RBPMS: variants seen among roughly 807,000 people sequenced by gnomAD.
RBPMS encodes the protein RNA-binding protein with multiple splicing.
In RBPMS, 7 loss-of-function variants were observed where a neutral mutation model predicts 26.8. That is an observed-to-expected ratio of 0.26 (90% CI 0.15 to 0.49). The LOEUF is 0.49. Ranked by LOEUF, RBPMS falls within the 20% of genes least tolerant of loss-of-function variation. RBPMS has a pLI of 0.98. For missense variants in RBPMS, 186 were observed against 250.0 expected, an observed-to-expected ratio of 0.74 and a Z score of 1.73; for synonymous variants, 96 against 93.3, an observed-to-expected ratio of 1.03 and a Z score of -0.17.
intron 5 of RBPMS, among the ~76,000 whole-genome samples, chr8:30,532,975 A>T (rs1824393397): frequency 6.6e-6 from 1 of 152,204 alleles, no homozygotes; most frequent in South Asian, 2.1e-4. Flanking sequence ...GATGATACTC[A>T]ACCAGAGTTT....
At chr8:30,472,372 A>G (rs1206365377) in intron 1 of RBPMS, among the ~76,000 whole-genome samples, 2 of 152,230 alleles carry the variant, frequency 1.3e-5, no homozygotes, top group Non-Finnish European at 2.9e-5. Context: ...ACTAATATAA[A>G]GAGATCAGAG....
At chr8:30,551,078 T>C (rs1826325715) in intron 6 of RBPMS, among the ~76,000 whole-genome samples, 1 of 152,152 alleles carries the variant, frequency 6.6e-6, no homozygotes, top group Admixed American at 6.5e-5. Context: ...TACTTGGGGA[T>C]ATTGCTCTCT....
At position 30,422,341 on chromosome 8, in the gene RBPMS, T is replaced by C. The variant is rs1049880324; in HGVS notation, c.66+37183T>C. 1.1e-4 allele frequency among the ~76,000 whole-genome samples: 17 copies of C among 152,108 alleles called. 1 individual carries two copies. Among genetic ancestry groups the C allele is most frequent in the Middle Eastern group, 3.2e-3 (1 of 316 alleles). ...GTTGGCCAGGCTGGTCTTGAACTCCTGACCTCAGGTGATCCACCCACCTCA... is the reference window on the plus strand; with the variant it reads ...GTTGGCCAGGCTGGTCTTGAACTCCCGACCTCAGGTGATCCACCCACCTCA... On this transcript the variant is annotated intron_variant, in intron 1 of 8. Transcript: ENST00000397323.
chr8:30,549,195 A>C (rs1826093535), intron 6 of RBPMS, among the ~76,000 whole-genome samples: 1 of 152,158 alleles, frequency 6.6e-6, no homozygotes, highest in African/African-American at 2.4e-5. Context: ...TCAACCCCTC[A>C]CCTGGCAGTC....
rs182241412 is a variant in RBPMS at position 30,498,538 on chromosome 8, A to G, written c.247-5748A>G. 4.6e-5 allele frequency among the ~76,000 whole-genome samples: 7 copies of G among 152,358 alleles called. No individual in the cohort carries two copies. In the East Asian group the frequency reaches 1.3e-3, roughly 29 times the overall value. On this transcript the variant is annotated intron_variant, in intron 4 of 8. Coordinates refer to ENST00000397323, the MANE Select transcript of RBPMS (RefSeq NM_001008710.3). ...TGACTAACTGTATGTCAAATGAATA[A>G]CACAACCACACTGAAGGTGGGGGGA...
At chr8:30,419,720 G>C (rs573004054) in intron 1 of RBPMS, among the ~76,000 whole-genome samples, 1 of 151,916 alleles carries the variant, frequency 6.6e-6, no homozygotes, top group South Asian at 2.1e-4. Flanking sequence ...GTTTAGACTT[G>C]GTTCCCATCC....
intron 1 of RBPMS, among the ~76,000 whole-genome samples, chr8:30,438,020 T>C (rs373131053): frequency 2.0e-5 from 3 of 152,190 alleles, no homozygotes; most frequent in African/African-American, 7.2e-5. Context: ...ATTTTGCAAG[T>C]TCATCTTAGA....
intron 2 of RBPMS, among the ~76,000 whole-genome samples, chr8:30,477,243 T>G (rs372448898): frequency 6.6e-6 from 1 of 152,162 alleles, no homozygotes; most frequent in Non-Finnish European, 1.5e-5. Context: ...TTAGTAGAGA[T>G]GGGGTTTCAC....
chr8:30,549,772 T>TTTTCTTCTCTCTCTCTCTCTCTCTCTCTC (rs1182285469), intron 6 of RBPMS, among the ~76,000 whole-genome samples: 7 of 71,220 alleles, frequency 9.8e-5, no homozygotes, highest in African/African-American at 5.3e-4. Flanking sequence ...TTTTCTTTTC[T>TTTTCTTCTCTCTCTCTCTCTCTCTCTCTC]TCTCTCTCTC....
chr8:30,430,846 A>G (rs1811849918), intron 1 of RBPMS, among the ~76,000 whole-genome samples: 1 of 152,216 alleles, frequency 6.6e-6, no homozygotes, highest in South Asian at 2.1e-4. Context: ...CATTTATTCC[A>G]AAAAGATATA....
chr8:30,433,478 T>C (rs2150677022), intron 1 of RBPMS, among the ~76,000 whole-genome samples: 1 of 152,270 alleles, frequency 6.6e-6, no homozygotes, highest in East Asian at 1.9e-4. Flanking sequence ...TGAGACCAGC[T>C]TGGGCACCAT....
chr8:30,475,931 G>GAGA (rs1319877465), intron 2 of RBPMS, among the ~76,000 whole-genome samples: 1 of 152,208 alleles, frequency 6.6e-6, no homozygotes, highest in African/African-American at 2.4e-5. Flanking sequence ...GGGAAAGGAA[G>GAGA]AGAAGGTGGT....
At position 30,566,341 on chromosome 8, in the gene RBPMS, T is replaced by A. The variant is rs1486771926; in HGVS notation, c.*92T>A. The A allele has an allele frequency of 2.1e-6, 2 of 967,130 alleles. 1 individual carries two copies. The highest frequency in any genetic ancestry group is 2.3e-4 in the East Asian group (2 of 8,572). The allele number at this position is 967,130 out of a possible 1,614,324, so 59.9% of individuals were successfully genotyped here. The stretch of plus-strand genomic sequence containing the variant: ...GGTGGCTACTGTTCTCTAGCTGTTC[T>A]ACAAAACTGGAGCATGCTGGTGAGT... On this transcript the variant is annotated 3_prime_UTR_variant, in exon 8 of 9. Coordinates refer to ENST00000397323, the MANE Select transcript of RBPMS (RefSeq NM_001008710.3).
At chr8:30,435,391 T>G (rs961613799) in intron 1 of RBPMS, among the ~76,000 whole-genome samples, 3 of 152,190 alleles carry the variant, frequency 2.0e-5, no homozygotes, top group Non-Finnish European at 4.4e-5. Context: ...CAACCTACAC[T>G]ACTTGTGGAG....
chr8:30,546,649 A>ATT (rs1470162922), intron 6 of RBPMS, among the ~76,000 whole-genome samples: 1 of 152,164 alleles, frequency 6.6e-6, no homozygotes, highest in Non-Finnish European at 1.5e-5. Flanking sequence ...GCTCTGCCAC[A>ATT]TCGGTCCCAG....
rs557730500 is a variant in RBPMS at position 30,438,660 on chromosome 8, TTTTC to T, written c.67-36115_67-36112del. ...TATATTATTCTACCTTAATAAATGT[TTTTC>T]TTTGTCTTTGCAATAATGATATTAT... is the stretch of plus-strand genomic sequence containing the variant. On this transcript the variant is annotated intron_variant, in intron 1 of 8. Coordinates refer to ENST00000397323, the MANE Select transcript of RBPMS (RefSeq NM_001008710.3). Among the ~76,000 whole-genome samples the T allele has an allele frequency of 2.1e-3, 324 of 152,330 alleles. 1 individual carries two copies. Among genetic ancestry groups the T allele is most frequent in the Non-Finnish European group, 3.5e-3 (239 of 68,030 alleles).
intron 3 of RBPMS, 60 bp downstream of exon 3, chr8:30,477,897 G>GAGGAAA: frequency 1.8e-6 from 2 of 1,142,478 alleles, no homozygotes; most frequent in Non-Finnish European, 2.6e-6. Context: ...GAATATTGCT[G>GAGGAAA]GGGCTTGACA....
chr8:30,547,508 A>G, intron 6 of RBPMS: 2 of 1,532,724 alleles, frequency 1.3e-6, no homozygotes, highest in Non-Finnish European at 1.7e-6. Context: ...TTTTAATCAG[A>G]GCAAAAATGA....
intron 6 of RBPMS, among the ~76,000 whole-genome samples, chr8:30,547,949 T>C (rs532950524): frequency 1.3e-5 from 2 of 152,318 alleles, no homozygotes; most frequent in South Asian, 4.1e-4. Flanking sequence ...CTGGTACCCC[T>C]TCAGATTTCC....
Sources: gnomAD v4.1 joint callset for allele counts (sites outside exome capture counted in the v4.1 genomes callset) on GRCh38, gnomAD v4.1.1 for gene constraint, MANE v1.5 for transcripts, NCBI Gene and HGNC (gene_info 2026-07-23, HGNC 2026-07-21) for gene names.